The following GRIK4 variants were observed in gnomAD, a reference collection of about 807,000 sequenced individuals.
GRIK4 encodes glutamate receptor ionotropic, kainate 4.
GRIK4 carries 40 observed loss-of-function variants against 104.9 expected under a neutral mutation model. The observed-to-expected ratio is 0.38, with a 90% CI of 0.30 to 0.50. The LOEUF is 0.50. Among genes scored for constraint, GRIK4 ranks in the 20% least tolerant of loss-of-function variants. GRIK4 has a pLI of 0.93. For missense variants in GRIK4, 1,047 were observed against 1,308.1 expected, an observed-to-expected ratio of 0.80 and a Z score of 3.08; for synonymous variants, 485 against 524.9, an observed-to-expected ratio of 0.92 and a Z score of 1.04.
chr11:120,667,824 C>T (rs567083051), intron 3 of GRIK4, among the ~76,000 whole-genome samples: 1 of 152,340 alleles, frequency 6.6e-6, no homozygotes, highest in Non-Finnish European at 1.5e-5. Flanking sequence ...AGTCCTATAG[C>T]TGGGCAGACA....
chr11:120,770,479 C>T (rs559655381), intron 3 of GRIK4, among the ~76,000 whole-genome samples: 2 of 152,356 alleles, frequency 1.3e-5, no homozygotes, highest in South Asian at 4.1e-4. Flanking sequence ...GACCTTGCTC[C>T]ATCCTTTATA....
At chr11:120,936,814 C>G (rs1483862488) in intron 13 of GRIK4, among the ~76,000 whole-genome samples, 1 of 152,134 alleles carries the variant, frequency 6.6e-6, no homozygotes, top group Non-Finnish European at 1.5e-5. Context: ...GTTCCCTGCT[C>G]TTTCCGCCTG....
chr11:120,821,238 G>A (rs1246899953), intron 6 of GRIK4, among the ~76,000 whole-genome samples: 1 of 152,242 alleles, frequency 6.6e-6, no homozygotes, highest in Non-Finnish European at 1.5e-5. Flanking sequence ...CAGTCGAGGA[G>A]AGTGTCCCTG....
chr11:120,749,820 A>T (rs771007860), intron 3 of GRIK4, among the ~76,000 whole-genome samples: 4 of 152,132 alleles, frequency 2.6e-5, no homozygotes, highest in Non-Finnish European at 4.4e-5. Flanking sequence ...GGCGGGGGGA[A>T]GTTTCAGAAT....
At chr11:120,613,557 G>A (rs988236191) in intron 1 of GRIK4, among the ~76,000 whole-genome samples, 2 of 152,246 alleles carry the variant, frequency 1.3e-5, no homozygotes, top group Non-Finnish European at 2.9e-5. Flanking sequence ...GCATGTGTTT[G>A]CGTGTGTGCA....
At chr11:120,650,699 C>G (rs1157970758) in intron 1 of GRIK4, among the ~76,000 whole-genome samples, 4 of 152,222 alleles carry the variant, frequency 2.6e-5, no homozygotes, top group African/African-American at 4.8e-5. Flanking sequence ...ATCCCAGGGC[C>G]TGGAAAATTA....
intron 1 of GRIK4, among the ~76,000 whole-genome samples, chr11:120,544,123 A>G (rs559174350): frequency 2.6e-5 from 4 of 152,356 alleles, no homozygotes; most frequent in Admixed American, 2.0e-4. Flanking sequence ...TGGATCTGAT[A>G]GTAAGCGTTC....
intron 8 of GRIK4, among the ~76,000 whole-genome samples, chr11:120,849,203 T>C (rs1953921710): frequency 6.6e-6 from 1 of 151,988 alleles, no homozygotes; most frequent in Non-Finnish European, 1.5e-5. Flanking sequence ...CCATGTGCCT[T>C]GGTGAGTGGG....
rs1185456077 is a variant in GRIK4 at position 120,955,307 on chromosome 11, A to T, written c.1701-1473A>T. On this transcript the variant is annotated intron_variant, in intron 15 of 20. Coordinates refer to ENST00000527524, the MANE Select transcript of GRIK4 (RefSeq NM_014619.5). ...CACAGAGGGACAGAGCACATCTCAC[A>T]GGTCAAAGGACCAATGCTGAGACGT... 2.0e-5 allele frequency among the ~76,000 whole-genome samples: 3 copies of T among 152,210 alleles called. No homozygotes were observed. The East Asian group carries it at 5.8e-4, about 29-fold the overall frequency.
chr11:120,649,715 C>G (rs1223146499), intron 1 of GRIK4, among the ~76,000 whole-genome samples: 1 of 152,232 alleles, frequency 6.6e-6, no homozygotes, highest in Non-Finnish European at 1.5e-5. Context: ...CACTCAAACA[C>G]AGACAGTCAT....
At chr11:120,706,215 G>C (rs1221073961) in intron 3 of GRIK4, among the ~76,000 whole-genome samples, 1 of 152,154 alleles carries the variant, frequency 6.6e-6, no homozygotes, top group Non-Finnish European at 1.5e-5. Context: ...TGGGTTCTAG[G>C]ACTGACCCTG....
chr11:120,716,812 G>T (rs1950843416), intron 3 of GRIK4, among the ~76,000 whole-genome samples: 1 of 152,130 alleles, frequency 6.6e-6, no homozygotes, highest in Non-Finnish European at 1.5e-5. Flanking sequence ...TTTTCCAGCT[G>T]CCACCGCTCT....
chr11:120,587,258 A>G (rs1231117243), intron 1 of GRIK4, among the ~76,000 whole-genome samples: 1 of 152,118 alleles, frequency 6.6e-6, no homozygotes, highest in African/African-American at 2.4e-5. Flanking sequence ...CGACACCGAC[A>G]ATCGGGGTGA....
At chr11:120,645,963 C>A (rs774867653) in intron 1 of GRIK4, among the ~76,000 whole-genome samples, 23 of 152,300 alleles carry the variant, frequency 1.5e-4, no homozygotes, top group Admixed American at 2.6e-4. Flanking sequence ...TGGGTTAGCA[C>A]CAGAAGGGCG....
intron 3 of GRIK4, among the ~76,000 whole-genome samples, chr11:120,675,053 G>A (rs1251136333): frequency 6.6e-6 from 1 of 152,252 alleles, no homozygotes; most frequent in African/African-American, 2.4e-5. Context: ...AGTCAATTTG[G>A]AAAACCTAAA....
chr11:120,572,433 C>T (rs1948413289), intron 1 of GRIK4, among the ~76,000 whole-genome samples: 1 of 152,150 alleles, frequency 6.6e-6, no homozygotes, highest in Non-Finnish European at 1.5e-5. Context: ...GGGAACTCAC[C>T]TGAAGTCCCT....
chr11:120,698,877 G>A (rs1950502655), intron 3 of GRIK4, among the ~76,000 whole-genome samples: 1 of 152,332 alleles, frequency 6.6e-6, no homozygotes, highest in Non-Finnish European at 1.5e-5. Context: ...TATTTTTGGT[G>A]CATTAGATTA....
intron 3 of GRIK4, 138 bp from the exon 4 acceptor site, chr11:120,802,555 T>C: frequency 4.0e-6 from 3 of 741,068 alleles, no homozygotes; most frequent in Non-Finnish European, 7.1e-6. Context: ...TGGGGGACGG[T>C]TCTGAGCATG....
rs115154264 is a variant in GRIK4, at chr11:120,700,232, T to C, written c.82+39832T>C. On this transcript the variant is annotated intron_variant, in intron 3 of 20. Transcript: ENST00000527524. ...GTTTCCATCCACAAATGGCCACATA[T>C]ATGACAAAGTTCCTATAAGATTATA... Among the ~76,000 whole-genome samples, 1,176 of 151,820 alleles carry C rather than the reference T, an allele frequency of 7.7e-3. 14 individuals carry two copies. The highest frequency in any genetic ancestry group is 0.054 in the South Asian group (262 of 4,812).
Sources: allele counts gnomAD v4.1 joint callset (sites outside exome capture counted in the v4.1 genomes callset), GRCh38; gene constraint gnomAD v4.1.1; transcripts MANE v1.5; gene names NCBI Gene and HGNC (gene_info 2026-07-23, HGNC 2026-07-21).